The following KIF20B variants were observed in gnomAD, a reference collection of about 807,000 sequenced individuals.
KIF20B encodes the protein kinesin-like protein KIF20B.
Under a neutral mutation model 232.5 loss-of-function variants are expected in KIF20B, and 188 were observed. The ratio of observed to expected loss-of-function variants is 0.81; its 90% confidence interval spans 0.72 to 0.91. The LOEUF (loss-of-function observed/expected upper bound fraction) is 0.91. Among genes scored for constraint, KIF20B ranks in the 40% least tolerant of loss-of-function variants. The pLI, the probability that KIF20B is intolerant of heterozygous loss-of-function variation, is 0.00. For missense variants in KIF20B, 2,154 were observed against 2,055.9 expected (o/e 1.05, Z -0.92); for synonymous variants, 712 against 683.0 (o/e 1.04, Z -0.66).
At chr10:89,703,392 T>G (rs1455320506) in intron 1 of KIF20B, among the ~76,000 whole-genome samples, 2 of 152,154 alleles carry the variant, frequency 1.3e-5, no homozygotes, top group African/African-American at 2.4e-5. Flanking sequence ...GACAGGATTG[T>G]AGGCAAAGGA....
At chr10:89,737,222 T>G (rs1054555306) in intron 19 of KIF20B, among the ~76,000 whole-genome samples, 165 bp from the exon 20 acceptor site, 2 of 151,878 alleles carry the variant, frequency 1.3e-5, no homozygotes, top group Non-Finnish European at 2.9e-5. Context: ...TACCACATGT[T>G]TTAAAACCTG....
chr10:89,767,801 C>T (rs982672801), intron 29 of KIF20B, among the ~76,000 whole-genome samples: 2 of 151,894 alleles, frequency 1.3e-5, no homozygotes, highest in African/African-American at 4.8e-5. Flanking sequence ...AATGAGAGAA[C>T]TTAGACATAG....
At chr10:89,735,210 T>C (rs12783582) in intron 19 of KIF20B, among the ~76,000 whole-genome samples, 28,140 of 152,138 alleles carry the variant, frequency 0.18, 3,140 homozygotes, top group East Asian at 0.35. Context: ...GAATAAATTA[T>C]TATTGCAAAA....
intron 22 of KIF20B, 78 bp from the exon 23 acceptor site, chr10:89,745,820 GC>G (rs1841897709): frequency 2.2e-6 from 2 of 898,580 alleles, no homozygotes; most frequent in African/African-American, 1.7e-5. Context: ...TTAATATTGA[GC>G]CCTGTTTTCA....
intron 26 of KIF20B, 146 bp downstream of exon 26, chr10:89,754,819 A>T: frequency 1.9e-6 from 1 of 524,554 alleles, no homozygotes; most frequent in Non-Finnish European, 3.2e-6. Context: ...CTTCTGAGCC[A>T]ATTTATCTTG....
At chr10:89,702,550 T>C (rs1208282549) in intron 1 of KIF20B, among the ~76,000 whole-genome samples, 1 of 152,222 alleles carries the variant, frequency 6.6e-6, no homozygotes, top group Non-Finnish European at 1.5e-5. Context: ...TTGTGAAGAC[T>C]TTTTTTGAGG....
rs1452982186 is a variant in KIF20B at position 89,709,271 on chromosome 10, T to C, written c.234+18T>C. 6.3e-7 allele frequency: 1 copy of C among 1,596,572 alleles called. No homozygotes were observed. Among genetic ancestry groups the C allele is most frequent in the Non-Finnish European group, 8.6e-7 (1 of 1,168,398 alleles). On this transcript the variant is annotated intron_variant, in intron 3 of 32. Transcript: ENST00000371728. ...AGTCTGAGGTTTGTGTTGAATTTAA[T>C]AGAATTTTAATATTTTACTTTCATT...
rs1382784773 is a variant in KIF20B at position 89,724,102 on chromosome 10, A to C, written c.1861A>C (p.Lys621Gln). ...TTGGGCTCAACGGGAAGCTGACTTT[A>C]AGTAAGTTATTTATTTCATGTCCAG... is the stretch of plus-strand genomic sequence containing the variant. ...QYWAQREADF[K>Q]ETLLQEREIL... The change falls in exon 14 of 33, where the codon AAG becomes CAG. Residue 621 changes from lysine (K) to glutamine (Q), a missense_variant and splice_region_variant. Lys to Gln is a moderately conservative substitution (Grantham distance 53). Coordinates refer to ENST00000371728, the MANE Select transcript of KIF20B (RefSeq NM_001284259.2). 6.7e-7 allele frequency: 1 copy of C among 1,481,552 alleles called. No individual in the cohort carries two copies. Among genetic ancestry groups the C allele is most frequent in the African/African-American group, 1.5e-5 (1 of 68,682 alleles). 91.8% of individuals were successfully genotyped at this position (1,481,552 alleles called of 1,614,324 possible).
intron 12 of KIF20B, 67 bp from the exon 13 acceptor site, chr10:89,719,352 A>AG: frequency 4.4e-6 from 5 of 1,141,352 alleles, no homozygotes; most frequent in Non-Finnish European, 4.9e-6. Context: ...AATTTATAAA[A>AG]TAATCATTTT....
rs190513091 is a variant in KIF20B, at chr10:89,705,641, C to G, written c.147+200C>G. On this transcript the variant is annotated intron_variant, in intron 2 of 32. Coordinates refer to ENST00000371728, the MANE Select transcript of KIF20B (RefSeq NM_001284259.2). The stretch of plus-strand genomic sequence containing the variant: ...TAAAAATTATATGAATTTCAAACAT[C>G]ACTGTCCATAAAGTTTTATTGCATC... Among the ~76,000 whole-genome samples the G allele has an allele frequency of 6.6e-5, 10 of 152,306 alleles. No individual in the cohort carries two copies. In the East Asian group the frequency reaches 1.9e-3, roughly 29 times the overall value.
chr10:89,703,759 T>C, intron 1 of KIF20B, among the ~76,000 whole-genome samples: 1 of 145,308 alleles, frequency 6.9e-6, no homozygotes, highest in South Asian at 2.1e-4. Context: ...TTTTCCCTTT[T>C]TTTTTTTTTT....
intron 1 of KIF20B, 100 bp from the exon 2 acceptor site, chr10:89,705,194 A>G (rs904125488): frequency 3.3e-6 from 3 of 923,000 alleles, no homozygotes; most frequent in South Asian, 3.1e-5. Flanking sequence ...TCTAAAATCT[A>G]GTTATTTGGA....
chr10:89,728,293 T>C (rs1163665196), intron 17 of KIF20B, among the ~76,000 whole-genome samples: 1 of 152,164 alleles, frequency 6.6e-6, no homozygotes, highest in East Asian at 1.9e-4. Flanking sequence ...TTAAGCTATA[T>C]AAATAGAAAA....
intron 9 of KIF20B, 73 bp downstream of exon 9, chr10:89,716,620 T>C: frequency 1.3e-6 from 1 of 765,914 alleles, no homozygotes; most frequent in Non-Finnish European, 2.2e-6. Flanking sequence ...CACAGCTAAT[T>C]TTACATTAAA....
chr10:89,739,009 A>C lies in KIF20B; in HGVS notation c.3828A>C (p.Ala1276=). 1 of 1,613,298 alleles carries C rather than the reference A, an allele frequency of 6.2e-7. No homozygotes were observed. Among genetic ancestry groups the C allele is most frequent in the Non-Finnish European group, 8.5e-7 (1 of 1,179,444 alleles). Reference sequence around the variant, plus strand: ...CTGCTCGTACCCAGAATCTGAAAGCAGATCTTCAGAGGAAGGAAGAAGATT... The same window carrying C: ...CTGCTCGTACCCAGAATCTGAAAGCCGATCTTCAGAGGAAGGAAGAAGATT... ...ASSARTQNLK[A]DLQRKEEDYA... is the part of the protein sequence containing the mutation. Residue 1276 remains alanine, a synonymous_variant, in exon 21 of 33, where the codon GCA becomes GCC. Coordinates refer to ENST00000371728, the MANE Select transcript of KIF20B (RefSeq NM_001284259.2).
chr10:89,746,466 G>A (rs147056889), intron 23 of KIF20B, among the ~76,000 whole-genome samples: 1 of 152,324 alleles, frequency 6.6e-6, no homozygotes, highest in Non-Finnish European at 1.5e-5. Flanking sequence ...TCTCACAGTA[G>A]ATGGCCTGCC....
At chr10:89,705,198 A>G in intron 1 of KIF20B, 96 bp from the exon 2 acceptor site, 1 of 973,522 alleles carries the variant, frequency 1.0e-6, no homozygotes, top group Non-Finnish European at 1.6e-6. Context: ...AAATCTAGTT[A>G]TTTGGAGGGA....
intron 21 of KIF20B, among the ~76,000 whole-genome samples, chr10:89,739,660 CTTT>C (rs200053232): frequency 7.2e-6 from 1 of 139,732 alleles, no homozygotes. Context: ...GATTGGAGCA[CTTT>C]TTTTTTTTTT....
intron 2 of KIF20B, 97 bp from the exon 3 acceptor site, chr10:89,709,070 C>T: frequency 2.5e-6 from 2 of 787,952 alleles, no homozygotes; most frequent in Non-Finnish European, 2.2e-6. Flanking sequence ...TTTATCATCT[C>T]AGATTATTAT....
Sources: gnomAD v4.1 joint callset for allele counts (sites outside exome capture counted in the v4.1 genomes callset) on GRCh38, gnomAD v4.1.1 for gene constraint, MANE v1.5 for transcripts, NCBI Gene and HGNC (gene_info 2026-07-23, HGNC 2026-07-21) for gene names.